Variants in EYA2 observed in about 807,000 individuals in gnomAD.
The protein encoded by EYA2 is EYA transcriptional coactivator and phosphatase 2, also known as protein phosphatase EYA2.
Under a neutral mutation model 69.2 loss-of-function variants are expected in EYA2, and 31 were observed. The ratio of observed to expected loss-of-function variants is 0.45; its 90% CI spans 0.34 to 0.60. The LOEUF is 0.60. Among genes scored for constraint, EYA2 ranks in the 20% least tolerant of loss-of-function variants. The pLI, the probability that EYA2 is intolerant of heterozygous loss-of-function variation, is 0.02. For synonymous variants in EYA2, 257 were observed against 279.4 expected (o/e 0.92, Z 0.80); for missense variants, 622 against 701.2 (o/e 0.89, Z 1.28).
chr20:46,940,255 G>A (rs1482802134), intron 1 of EYA2, among the ~76,000 whole-genome samples: 2 of 152,212 alleles, frequency 1.3e-5, no homozygotes, highest in Non-Finnish European at 2.9e-5. Flanking sequence ...CTTACTGTGT[G>A]CCAGGCATAG....
intron 5 of EYA2, among the ~76,000 whole-genome samples, chr20:47,016,732 G>A (rs968583509): frequency 7.2e-5 from 11 of 152,176 alleles, no homozygotes; most frequent in African/African-American, 2.4e-4. Context: ...GGAACAGCCT[G>A]TACAAACTGT....
intron 5 of EYA2, among the ~76,000 whole-genome samples, chr20:47,054,948 G>A (rs567729962): frequency 1.1e-4 from 16 of 152,348 alleles, no homozygotes; most frequent in Non-Finnish European, 2.1e-4. Flanking sequence ...ATGTCAGCCA[G>A]ATTTGGTTCC....
At chr20:47,065,478 A>G (rs1325700193) in intron 5 of EYA2, among the ~76,000 whole-genome samples, 1 of 152,080 alleles carries the variant, frequency 6.6e-6, no homozygotes, top group Non-Finnish European at 1.5e-5. Flanking sequence ...GTAAAATTTC[A>G]TGGGAGGTGG....
At chr20:47,171,069 A>G (rs2034310964) in intron 11 of EYA2, among the ~76,000 whole-genome samples, 1 of 152,226 alleles carries the variant, frequency 6.6e-6, no homozygotes, top group Non-Finnish European at 1.5e-5. Flanking sequence ...TTCTCACCTG[A>G]TGGAGTAAAT....
intron 1 of EYA2, among the ~76,000 whole-genome samples, chr20:46,932,742 C>T (rs1426819778): frequency 6.6e-6 from 1 of 152,126 alleles, no homozygotes; most frequent in Non-Finnish European, 1.5e-5. Context: ...AAAAATCAGC[C>T]AGGCGTGGTG....
At chr20:46,996,624 G>C (rs1451397413) in intron 2 of EYA2, among the ~76,000 whole-genome samples, 1 of 152,136 alleles carries the variant, frequency 6.6e-6, no homozygotes, top group Non-Finnish European at 1.5e-5. Context: ...CACTAGACAG[G>C]AGGCTTCGGG....
At chr20:47,124,854 G>A (rs1026462166) in intron 9 of EYA2, among the ~76,000 whole-genome samples, 1 of 144,692 alleles carries the variant, frequency 6.9e-6, no homozygotes, top group African/African-American at 2.6e-5. Context: ...ATGTCCAGCT[G>A]AAAGAACATT....
intron 13 of EYA2, 72 bp from the exon 14 acceptor site, chr20:47,180,743 G>A (rs767672489): frequency 6.4e-5 from 101 of 1,569,032 alleles, no homozygotes; most frequent in Admixed American, 2.2e-4. Flanking sequence ...CCAACTGCAG[G>A]CTCATGCAGC....
intron 1 of EYA2, among the ~76,000 whole-genome samples, chr20:46,908,870 CTTTTTTTTTTTTTTTTTTT>C (rs56834738): frequency 4.4e-4 from 21 of 47,558 alleles, no homozygotes; most frequent in African/African-American, 1.6e-3. Flanking sequence ...CTCTCCCGCA[CTTTTTTTTTTTTTTTTTTT>C]TTTTTTTTTT....
intron 8 of EYA2, among the ~76,000 whole-genome samples, chr20:47,092,475 C>T (rs531218520): frequency 6.6e-6 from 1 of 152,298 alleles, no homozygotes; most frequent in South Asian, 2.1e-4. Context: ...TCTGCCTTCC[C>T]ATATTCCTAG....
At chr20:47,119,666 T>C (rs2032995264) in intron 9 of EYA2, among the ~76,000 whole-genome samples, 1 of 152,118 alleles carries the variant, frequency 6.6e-6, no homozygotes, top group Non-Finnish European at 1.5e-5. Context: ...TAGTGGGGAA[T>C]GGGGAGTAAG....
At chr20:47,031,250 G>A (rs1003613531) in intron 5 of EYA2, among the ~76,000 whole-genome samples, 6 of 152,158 alleles carry the variant, frequency 3.9e-5, no homozygotes, top group Non-Finnish European at 5.9e-5. Flanking sequence ...CACAAGTGTC[G>A]CCAGCAGATA....
intron 11 of EYA2, among the ~76,000 whole-genome samples, chr20:47,169,900 A>T (rs11699424): frequency 0.53 from 80,391 of 151,610 alleles, 22,066 homozygotes; most frequent in African/African-American, 0.68. Context: ...ACATATATAT[A>T]TTTTTTTCTT....
In EYA2 at chr20:46,914,044, C is replaced by T. The variant is rs927680698; in HGVS notation, c.-11+19057C>T. Among the ~76,000 whole-genome samples, 26 of 152,196 alleles carry T rather than the reference C, an allele frequency of 1.7e-4. 1 individual carries two copies. The highest frequency in any genetic ancestry group is 1.4e-3 in the Admixed American group (21 of 15,282). On this transcript the variant is annotated intron_variant, in intron 1 of 15. Coordinates refer to ENST00000327619, the MANE Select transcript of EYA2 (RefSeq NM_005244.5). ...TGTGTTTTCTTGGCTTTCTCAGTCC[C>T]GTTCCTCCTCTTCGTTTTGAGGAAA...
intron 1 of EYA2, among the ~76,000 whole-genome samples, chr20:46,918,828 A>G (rs1985048459): frequency 6.6e-6 from 1 of 152,248 alleles, no homozygotes; most frequent in Non-Finnish European, 1.5e-5. Context: ...ATCATGACCT[A>G]TGACAGCTAT....
intron 5 of EYA2, among the ~76,000 whole-genome samples, chr20:47,043,663 T>C (rs2029893558): frequency 6.6e-6 from 1 of 151,990 alleles, no homozygotes; most frequent in African/African-American, 2.4e-5. Flanking sequence ...GTCTATAAAA[T>C]GGGCTGATGA....
Position 47,001,780 on chromosome 20 carries a change from C to A in EYA2, c.155+307C>A, listed in dbSNP as rs536397920. Reference sequence around the variant, plus strand: ...TAGCTATTATTTTCTTCTTTCTTCTCTTCATTCTTTTTTTTTTTTTTATTC... The same window carrying A: ...TAGCTATTATTTTCTTCTTTCTTCTATTCATTCTTTTTTTTTTTTTTATTC... On this transcript the variant is annotated intron_variant, in intron 3 of 15. Coordinates refer to ENST00000327619, the MANE Select transcript of EYA2 (RefSeq NM_005244.5). Among the ~76,000 whole-genome samples the A allele has an allele frequency of 3.5e-3, 359 of 101,616 alleles. 1 individual carries two copies. Among genetic ancestry groups the A allele is most frequent in the African/African-American group, 0.011 (335 of 31,160 alleles). The allele number at this position is 101,616 out of a possible 152,430, so 66.7% of individuals were successfully genotyped here.
intron 5 of EYA2, among the ~76,000 whole-genome samples, chr20:47,045,251 A>C (rs2029970981): frequency 6.6e-6 from 1 of 152,194 alleles, no homozygotes; most frequent in African/African-American, 2.4e-5. Context: ...GTGCTACTAT[A>C]GGCTGGGGCA....
intron 10 of EYA2, among the ~76,000 whole-genome samples, chr20:47,153,851 T>C (rs2033870318): frequency 6.6e-6 from 1 of 151,976 alleles, no homozygotes; most frequent in Admixed American, 6.5e-5. Context: ...TCTTCTGAGC[T>C]CTAAGACCTT....
Sources: gnomAD v4.1 joint callset for allele counts (sites outside exome capture counted in the v4.1 genomes callset) on GRCh38, gnomAD v4.1.1 for gene constraint, MANE v1.5 for transcripts, NCBI Gene and HGNC (gene_info 2026-07-23, HGNC 2026-07-21) for gene names.